TMTC1: variants seen among roughly 807,000 people sequenced by gnomAD.
The protein encoded by TMTC1 is protein O-mannosyl-transferase TMTC1.
A neutral mutation model predicts 104.8 loss-of-function variants in TMTC1; 73 were observed. That is an observed-to-expected ratio of 0.70 (90% CI 0.58 to 0.85). The LOEUF (loss-of-function observed/expected upper bound fraction) is 0.85. Ranked by LOEUF, TMTC1 falls within the 40% of genes least tolerant of loss-of-function variation. The pLI is 0.00. For missense variants in TMTC1, 1,035 were observed against 1,096.1 expected (o/e 0.94, Z 0.79); for synonymous variants, 434 against 428.7 (o/e 1.01, Z -0.15).
intron 5 of TMTC1, among the ~76,000 whole-genome samples, chr12:29,724,870 T>C (rs1448054169): frequency 6.6e-6 from 1 of 152,048 alleles, no homozygotes; most frequent in Non-Finnish European, 1.5e-5. Context: ...CTCTATCTAC[T>C]CAAAGCTTAA....
intron 5 of TMTC1, among the ~76,000 whole-genome samples, chr12:29,733,920 T>C (rs78264913): frequency 0.029 from 4,353 of 152,320 alleles, 97 homozygotes; most frequent in Non-Finnish European, 0.046. Context: ...TATTTTTTCA[T>C]TGCAGTTTCC....
At position 29,783,463 on chromosome 12, in the gene TMTC1, C is replaced by T. The variant is rs1337226428; in HGVS notation, c.289G>A (p.Val97Ile). The T allele has an allele frequency of 7.5e-7, 1 of 1,330,782 alleles. No individual in the cohort carries two copies. 82.4% of individuals were successfully genotyped at this position (1,330,782 alleles called of 1,614,324 possible). The change falls in exon 1 of 18, where the codon GTC (valine) becomes ATC (isoleucine). Residue 97 changes from valine to isoleucine, a missense_variant. Val to Ile is a conservative substitution (Grantham distance 29, BLOSUM62 3). Transcript: ENST00000539277. The surrounding 1 kb of genome is among the most constrained non-coding windows in gnomAD (Gnocchi z 4.7). ...TSHKSYRPLC[V>I]LTFKLNIFLT... The stretch of plus-strand genomic sequence containing the variant: ...TGAGGGACTCACTTGAAGGTGAGGA[C>T]GCAGAGCGGCCGGTAGGACTTGTGG...
intron 5 of TMTC1, among the ~76,000 whole-genome samples, chr12:29,710,630 T>A (rs1363013328): frequency 1.4e-5 from 2 of 143,414 alleles, no homozygotes; most frequent in Admixed American, 7.1e-5. Flanking sequence ...ATTTATATTT[T>A]TATATTTATG....
At chr12:29,599,708 C>T (rs1946502234) in intron 7 of TMTC1, among the ~76,000 whole-genome samples, 1 of 152,118 alleles carries the variant, frequency 6.6e-6, no homozygotes, top group African/African-American at 2.4e-5. Context: ...TAGGATTTGG[C>T]TTCATAATAG....
At chr12:29,751,470 T>C (rs1172159865) in intron 5 of TMTC1, among the ~76,000 whole-genome samples, 196 bp downstream of exon 5, 1 of 151,852 alleles carries the variant, frequency 6.6e-6, no homozygotes, top group Non-Finnish European at 1.5e-5. Flanking sequence ...CTCTAACTAC[T>C]CCTTTCTTAT....
intron 8 of TMTC1, among the ~76,000 whole-genome samples, chr12:29,573,554 G>T (rs1233860750): frequency 1.3e-5 from 2 of 152,194 alleles, no homozygotes; most frequent in African/African-American, 4.8e-5. Context: ...CAATAGGTGA[G>T]CAGGGTATCA....
intron 8 of TMTC1, among the ~76,000 whole-genome samples, chr12:29,581,409 A>C (rs1945976347): frequency 6.6e-6 from 1 of 152,218 alleles, no homozygotes; most frequent in Non-Finnish European, 1.5e-5. Context: ...ACAAAATTTG[A>C]TTGGACCACC....
At chr12:29,606,537 ACTT>A (rs1946703711) in intron 6 of TMTC1, among the ~76,000 whole-genome samples, 1 of 152,310 alleles carries the variant, frequency 6.6e-6, no homozygotes, top group East Asian at 1.9e-4. Context: ...ATAGTTGATT[ACTT>A]CTTTTCATGC....
chr12:29,726,002 C>A (rs992704043), intron 5 of TMTC1, among the ~76,000 whole-genome samples: 1 of 152,210 alleles, frequency 6.6e-6, no homozygotes, highest in African/African-American at 2.4e-5. Context: ...AAGATCCAGG[C>A]CTTTATATAC....
At chr12:29,708,602 A>G (rs1326430892) in intron 5 of TMTC1, among the ~76,000 whole-genome samples, 1 of 152,164 alleles carries the variant, frequency 6.6e-6, no homozygotes, top group Non-Finnish European at 1.5e-5. Flanking sequence ...CACAATGCAC[A>G]TTTCCAAACA....
intron 17 of TMTC1, among the ~76,000 whole-genome samples, chr12:29,507,213 T>C (rs1943717304): frequency 6.6e-6 from 1 of 152,152 alleles, no homozygotes; most frequent in Admixed American, 6.5e-5. Context: ...AGTTATACTG[T>C]AAGGATAAAT....
intron 6 of TMTC1, among the ~76,000 whole-genome samples, chr12:29,619,995 C>T (rs1947088640): frequency 6.6e-6 from 1 of 152,180 alleles, no homozygotes; most frequent in African/African-American, 2.4e-5. Flanking sequence ...TAATATCAAA[C>T]ATAGATTCTG....
chr12:29,783,550 G>T lies in TMTC1; in HGVS notation c.202C>A (p.Pro68Thr). The T allele has an allele frequency of 6.8e-7, 1 of 1,475,278 alleles. No homozygotes were observed. The highest frequency in any genetic ancestry group is 2.8e-5 in the East Asian group (1 of 35,274). The allele number at this position is 1,475,278 out of a possible 1,614,324, so 91.4% of individuals were successfully genotyped here. The change falls in exon 1 of 18, where the codon CCG becomes ACG. Residue 68 changes from proline (P) to threonine (T), a missense_variant. By Grantham distance (38) the Pro-to-Thr change is conservative. Coordinates refer to ENST00000539277, the MANE Select transcript of TMTC1 (RefSeq NM_001193451.2). This position sits in a 1 kb window ranked among gnomAD's most constrained non-coding sequence, Gnocchi z 4.7. ...TTGGTGAAGATGCCCCAGCGGAGCGGGGCGCCGGGCCGCACGTCGGGGTTG... is the reference window on the plus strand; with the variant it reads ...TTGGTGAAGATGCCCCAGCGGAGCGTGGCGCCGGGCCGCACGTCGGGGTTG... ...VNNPDVRPGA[P>T]LRWGIFTNDF... is the part of the protein sequence containing the mutation.
intron 5 of TMTC1, among the ~76,000 whole-genome samples, chr12:29,704,760 C>T (rs1174722217): frequency 6.6e-6 from 1 of 152,128 alleles, no homozygotes; most frequent in Non-Finnish European, 1.5e-5. Flanking sequence ...CCAAGAATGA[C>T]CTGTCTGTTA....
At chr12:29,631,515 G>C (rs1938296567) in intron 6 of TMTC1, among the ~76,000 whole-genome samples, 1 of 152,058 alleles carries the variant, frequency 6.6e-6, no homozygotes, top group Non-Finnish European at 1.5e-5. Flanking sequence ...GAATTACTTT[G>C]ACAACTATGT....
At chr12:29,760,387 G>C (rs1471936259) in intron 2 of TMTC1, among the ~76,000 whole-genome samples, 1 of 152,168 alleles carries the variant, frequency 6.6e-6, no homozygotes, top group African/African-American at 2.4e-5. Flanking sequence ...TTCCAGAAGA[G>C]TGAAGACTGG....
intron 15 of TMTC1, among the ~76,000 whole-genome samples, chr12:29,515,194 C>A (rs1246571669): frequency 6.6e-6 from 1 of 152,084 alleles, no homozygotes; most frequent in East Asian, 1.9e-4. Context: ...TGGCATCAGA[C>A]GTTTTCCCTG....
chr12:29,572,245 A>T (rs1565679576), intron 8 of TMTC1, 27 bp from the exon 9 acceptor site: 1 of 1,523,658 alleles, frequency 6.6e-7, no homozygotes, highest in Middle Eastern at 1.8e-4. Flanking sequence ...TTTAAAAAGA[A>T]TTATTTGACA....
chr12:29,546,974 C>T (rs1944960041), intron 10 of TMTC1, among the ~76,000 whole-genome samples: 1 of 152,100 alleles, frequency 6.6e-6, no homozygotes, highest in Non-Finnish European at 1.5e-5. Context: ...CTTGAGTCAT[C>T]CCAAGTCTTT....
Sources: gnomAD v4.1 joint callset for allele counts (sites outside exome capture counted in the v4.1 genomes callset) on GRCh38, gnomAD v4.1.1 for gene constraint, Gnocchi (gnomAD v3.1) non-coding constraint, MANE v1.5 for transcripts, NCBI Gene and HGNC (gene_info 2026-07-23, HGNC 2026-07-21) for gene names.